VSIG10: variants seen among roughly 807,000 people sequenced by gnomAD.
VSIG10 encodes the protein V-set and immunoglobulin domain-containing protein 10.
VSIG10 carries 48 observed loss-of-function variants against 58.7 expected under a neutral mutation model. That is an observed-to-expected ratio of 0.82 (90% CI 0.65 to 1.04). The LOEUF is 1.04. Among genes scored for constraint, VSIG10 ranks in the 50% least tolerant of loss-of-function variants. The pLI, the probability that VSIG10 is intolerant of heterozygous loss-of-function variation, is 0.00. For missense variants in VSIG10, 628 were observed against 670.0 expected (o/e 0.94, Z 0.69); for synonymous variants, 260 against 267.1 (o/e 0.97, Z 0.26).
chr12:118,103,706 C>CGGGCT lies in VSIG10; in HGVS notation c.-40_-36dup. 1 of 1,460,448 alleles carries CGGGCT rather than the reference C, an allele frequency of 6.8e-7. No homozygotes were observed. The highest frequency in any genetic ancestry group is 1.3e-5 in the South Asian group (1 of 75,218). 90.5% of individuals were successfully genotyped at this position (1,460,448 alleles called of 1,614,324 possible). On this transcript the variant is annotated 5_prime_UTR_variant, in exon 1 of 9. Coordinates refer to ENST00000359236, the MANE Select transcript of VSIG10 (RefSeq NM_019086.6). ...GATCCCGGCTCAGGAAACGCAGGCT[C>CGGGCT]GGGCTGGGCTGGACGTGTGTGCCCC...
chr12:118,080,398 G>A (rs1274675451), intron 3 of VSIG10, among the ~76,000 whole-genome samples: 1 of 152,116 alleles, frequency 6.6e-6, no homozygotes, highest in East Asian at 1.9e-4. Context: ...GGCCTCAGAT[G>A]ATCCACCTGC....
At position 118,067,448 on chromosome 12, in the gene VSIG10, G is replaced by T. The variant is rs952822571; in HGVS notation, c.1568-754C>A. Among the ~76,000 whole-genome samples, 99 of 145,702 alleles carry T rather than the reference G, an allele frequency of 6.8e-4. 1 individual carries two copies. The highest frequency in any genetic ancestry group is 2.2e-4 in the Non-Finnish European group (15 of 66,994). ...CCATTTCCCCTGCAGGTTTTAGTTT[G>T]TTCCCCTAAACTGGCCTTTTTTTTT... On this transcript the variant is annotated intron_variant, in intron 8 of 8. Transcript: ENST00000359236.
At chr12:118,094,918 T>C (rs2033403036) in intron 2 of VSIG10, among the ~76,000 whole-genome samples, 1 of 150,236 alleles carries the variant, frequency 6.7e-6, no homozygotes, top group African/African-American at 2.4e-5. Flanking sequence ...TTTTTTTTTT[T>C]TTTTGAGACG....
chr12:118,067,649 T>A (rs1296312200), intron 8 of VSIG10, among the ~76,000 whole-genome samples: 1 of 151,498 alleles, frequency 6.6e-6, no homozygotes, highest in Non-Finnish European at 1.5e-5. Flanking sequence ...TTAGTAGAGA[T>A]GGGGGTCTCA....
chr12:118,078,937 T>TAAAAA lies in VSIG10; in HGVS notation c.925+404_925+408dup, dbSNP rs35469920. Among the ~76,000 whole-genome samples, 118 of 39,904 alleles carry TAAAAA rather than the reference T, an allele frequency of 3.0e-3. 5 individuals are homozygous for TAAAAA. The East Asian group carries it at 0.048, about 16-fold the overall frequency. 26.2% of individuals were successfully genotyped at this position (39,904 alleles called of 152,430 possible). The stretch of plus-strand genomic sequence containing the variant: ...CTGGGCAACAGAGCAAGACTCTGCC[T>TAAAAA]AAAAAAAAAAAAAAAAAAAAAAAAA... On this transcript the variant is annotated intron_variant, in intron 4 of 8. Transcript: ENST00000359236.
At chr12:118,090,237 G>A (rs1290789006) in intron 2 of VSIG10, among the ~76,000 whole-genome samples, 1 of 152,134 alleles carries the variant, frequency 6.6e-6, no homozygotes, top group African/African-American at 2.4e-5. Context: ...CACAGGGGGC[G>A]GAGGTGGTTG....
intron 8 of VSIG10, among the ~76,000 whole-genome samples, chr12:118,067,314 G>A (rs879710220): frequency 2.0e-5 from 3 of 152,054 alleles, no homozygotes; most frequent in Non-Finnish European, 2.9e-5. Context: ...ATGAGCAACC[G>A]TGCCTATAAT....
chr12:118,080,702 T>C (rs149280643), intron 3 of VSIG10, among the ~76,000 whole-genome samples: 2,272 of 152,244 alleles, frequency 0.015, 33 homozygotes, highest in Non-Finnish European at 0.022. Flanking sequence ...TTAAAAGGAA[T>C]GGATTACTGA....
rs770253124 is a variant in VSIG10 at position 118,079,591 on chromosome 12, G to A, written c.680C>T (p.Ala227Val). ...TGCCATCTGTGCCCAGCACTGGGGA[G>A]CTGATGGAGGGGGATCTGCAAAACA... The part of the protein sequence containing the change: ...ELLVYYPPPS[A>V]PQCWAQMASG... The change falls in exon 4 of 9, where the codon GCT (alanine) becomes GTT (valine). Residue 227 changes from alanine (A) to valine (V), a missense_variant. By Grantham distance (64) the Ala-to-Val change is moderately conservative. Transcript: ENST00000359236. 1 of 1,614,000 alleles carries A rather than the reference G, an allele frequency of 6.2e-7. No individual in the cohort carries two copies. The highest frequency in any genetic ancestry group is 1.1e-5 in the South Asian group (1 of 91,080).
Position 118,069,090 on chromosome 12 carries a change from C to CT in VSIG10, c.1347-494dup, listed in dbSNP as rs368629849. On this transcript the variant is annotated intron_variant, in intron 7 of 8. Coordinates refer to ENST00000359236, the MANE Select transcript of VSIG10 (RefSeq NM_019086.6). ...ACTTTGCATTTCAGACTATACATTT[C>CT]TTTTTTTTTTCTTTTTCGGGATAGA... Among the ~76,000 whole-genome samples the CT allele has an allele frequency of 1.7e-3, 252 of 149,682 alleles. 2 individuals are homozygous for CT. The highest frequency in any genetic ancestry group is 5.6e-3 in the African/African-American group (227 of 40,842).
At chr12:118,090,333 TGTCA>T (rs1464976682) in intron 2 of VSIG10, among the ~76,000 whole-genome samples, 6 of 152,164 alleles carry the variant, frequency 3.9e-5, no homozygotes, top group African/African-American at 1.4e-4. Flanking sequence ...AAACTAAGGA[TGTCA>T]GTCAAACTGG....
Position 118,068,045 on chromosome 12 carries a change from T to TTCC in VSIG10, c.1567+331_1567+332insGGA, listed in dbSNP as rs71450254. 3.6e-4 allele frequency among the ~76,000 whole-genome samples: 51 copies of TTCC among 141,290 alleles called. 1 individual carries two copies. Among genetic ancestry groups the TTCC allele is most frequent in the African/African-American group, 1.3e-3 (50 of 38,084 alleles). 92.7% of individuals were successfully genotyped at this position (141,290 alleles called of 152,430 possible). ...GGGCTTTTTTTTTTTTTTTTTTTTT[T>TTCC]CTGAGGCAGGTTTCCTACTGCTGCC... On this transcript the variant is annotated intron_variant, in intron 8 of 8. Coordinates refer to ENST00000359236, the MANE Select transcript of VSIG10 (RefSeq NM_019086.6).
intron 1 of VSIG10, among the ~76,000 whole-genome samples, chr12:118,099,422 G>A (rs1328809757): frequency 2.0e-5 from 3 of 152,086 alleles, no homozygotes; most frequent in African/African-American, 7.2e-5. Context: ...TGGGATTACA[G>A]GCGTGAGCTG....
At chr12:118,069,874 T>A (rs1331630675) in intron 7 of VSIG10, among the ~76,000 whole-genome samples, 1 of 152,166 alleles carries the variant, frequency 6.6e-6, no homozygotes, top group Admixed American at 6.5e-5. Context: ...AGGGATTTTC[T>A]ATGGGTACAG....
intron 3 of VSIG10, among the ~76,000 whole-genome samples, chr12:118,080,293 C>T (rs1208927405): frequency 6.6e-6 from 1 of 151,872 alleles, no homozygotes; most frequent in Non-Finnish European, 1.5e-5. Context: ...AGCTACCGCG[C>T]CCAGCCTCAC....
intron 8 of VSIG10, among the ~76,000 whole-genome samples, chr12:118,067,968 C>T (rs1190478826): frequency 2.6e-5 from 4 of 151,626 alleles, no homozygotes; most frequent in Admixed American, 6.6e-5. Flanking sequence ...ACTAAACTCA[C>T]CCCTTAGAGA....
chr12:118,073,610 G>A (rs374193568), intron 5 of VSIG10, 89 bp downstream of exon 5: 3 of 1,459,510 alleles, frequency 2.1e-6, no homozygotes, highest in Non-Finnish European at 1.8e-6. Context: ...TGACCCATGT[G>A]TAGGGAGGCA....
chr12:118,082,395 G>C lies in VSIG10; in HGVS notation c.396C>G (p.Ala132=). ...GGGTGCCGTTGGGGAGTGTGCCGGT[G>C]GCCACGATGTGGACCTCAATCTGAT... ...GPYQIEVHIV[A]TGTLPNGTLY... is the part of the protein sequence containing the mutation. Residue 132 remains alanine (A), a synonymous_variant, in exon 3 of 9, where the codon GCC becomes GCG. Coordinates refer to ENST00000359236, the MANE Select transcript of VSIG10 (RefSeq NM_019086.6). The C allele has an allele frequency of 6.2e-7, 1 of 1,613,204 alleles. No individual in the cohort carries two copies. Among genetic ancestry groups the C allele is most frequent in the Non-Finnish European group, 8.5e-7 (1 of 1,179,412 alleles).
Position 118,103,681 on chromosome 12 carries a change from G to T in VSIG10, c.-10C>A, listed in dbSNP as rs1312844002. On this transcript the variant is annotated 5_prime_UTR_variant, in exon 1 of 9. In the 5' UTR this introduces an upstream ATG that the reference lacks. Coordinates refer to ENST00000359236, the MANE Select transcript of VSIG10 (RefSeq NM_019086.6). ...TGCCGCCTGCGGCCATCTCGCCCCA[G>T]ATCCCGGCTCAGGAAACGCAGGCTC... 6.7e-7 allele frequency: 1 copy of T among 1,484,240 alleles called. No homozygotes were observed. Among genetic ancestry groups the T allele is most frequent in the Non-Finnish European group, 8.9e-7 (1 of 1,122,092 alleles). 91.9% of individuals were successfully genotyped at this position (1,484,240 alleles called of 1,614,324 possible).
Sources: allele counts gnomAD v4.1 joint callset (sites outside exome capture counted in the v4.1 genomes callset), GRCh38; gene constraint gnomAD v4.1.1; transcripts MANE v1.5; gene names NCBI Gene and HGNC (gene_info 2026-07-23, HGNC 2026-07-21).